Variants in CUL2 observed in about 807,000 individuals in gnomAD.
The protein encoded by CUL2 is cullin 2, also known as cullin-2.
A neutral mutation model predicts 110.2 loss-of-function variants in CUL2; 22 were observed. The observed-to-expected ratio is 0.20, with a 90% CI of 0.14 to 0.28. CUL2 has a LOEUF of 0.28. Among genes scored for constraint, CUL2 ranks in the 10% least tolerant of loss-of-function variants. The pLI is 1.00. For synonymous variants in CUL2, 279 were observed against 293.2 expected, an observed-to-expected ratio of 0.95 and a Z score of 0.49; for missense variants, 631 against 905.5, an observed-to-expected ratio of 0.70 and a Z score of 3.89.
chr10:35,035,270 G>A lies in CUL2; in HGVS notation c.904C>T (p.Arg302Cys), dbSNP rs541202446. ...TGAGGTAAACCAGTGGACACAGCAC[G>A]GAGTAAGACGTACATATTTGCCATG... Reference protein sequence around the residue: ...NDMANMYVLLRAVSTGLPHMI... With the variant: ...NDMANMYVLLCAVSTGLPHMI... The change falls in exon 10 of 21, where the codon CGT becomes TGT. Residue 302 changes from arginine to cysteine, a missense_variant. Arg to Cys is a radical substitution (Grantham distance 180, BLOSUM62 -3). Around this residue, in one of 3 missense-constraint regions of CUL2, gnomAD observed 338 missense variants for 442.5 expected, o/e 0.76. Coordinates refer to ENST00000374749, the MANE Select transcript of CUL2 (RefSeq NM_003591.4). 1.2e-5 allele frequency: 20 copies of A among 1,614,056 alleles called. No homozygotes were observed. Among genetic ancestry groups the A allele is most frequent in the African/African-American group, 1.3e-5 (1 of 75,028 alleles).
At chr10:35,095,631 T>G (rs1388029435), upstream of CUL2, among the ~76,000 whole-genome samples, 1 of 152,172 alleles carries the variant, frequency 6.6e-6, no homozygotes, top group Non-Finnish European at 1.5e-5. Flanking sequence ...TGATCTCTGC[T>G]CACTGCAACC....
At chr10:35,110,815 C>T (rs988053292) in intron 1 of CUL2, among the ~76,000 whole-genome samples, 1 of 152,130 alleles carries the variant, frequency 6.6e-6, no homozygotes, top group African/African-American at 2.4e-5. Flanking sequence ...AAGGTCCTAT[C>T]CCGATGGCCT....
At chr10:35,100,194 T>G (rs1347327293) in intron 2 of CUL2, among the ~76,000 whole-genome samples, 1 of 152,108 alleles carries the variant, frequency 6.6e-6, no homozygotes, top group African/African-American at 2.4e-5. Context: ...AGCAACATCT[T>G]GCTTCCAAAA....
At chr10:35,120,108 T>G (rs150956584) in intron 1 of CUL2, 2 of 152,350 alleles carry the variant, frequency 1.3e-5, no homozygotes, top group East Asian at 3.9e-4. Flanking sequence ...GTATTCAGAT[T>G]TATTTTATCA....
chr10:35,088,499 CAAAAAAAAA>C (rs9299718), intron 1 of CUL2, among the ~76,000 whole-genome samples: 4 of 88,574 alleles, frequency 4.5e-5, no homozygotes, highest in African/African-American at 1.0e-4. Context: ...GACTCCGCCT[CAAAAAAAAA>C]AAAAAAAAAA....
intron 1 of CUL2, among the ~76,000 whole-genome samples, chr10:35,125,303 T>C (rs1378197440): frequency 6.6e-6 from 1 of 152,202 alleles, no homozygotes; most frequent in Non-Finnish European, 1.5e-5. Flanking sequence ...AAAAATATGG[T>C]TTGTGCTTTC....
At chr10:35,117,592 T>C (rs1044672338) in intron 1 of CUL2, among the ~76,000 whole-genome samples, 23 of 152,082 alleles carry the variant, frequency 1.5e-4, no homozygotes, top group African/African-American at 5.3e-4. Context: ...ACAAGTATTG[T>C]ATGTTTACAG....
At chr10:35,059,887 C>T (rs899701946) in intron 4 of CUL2, among the ~76,000 whole-genome samples, 8 of 152,192 alleles carry the variant, frequency 5.3e-5, no homozygotes, top group African/African-American at 1.9e-4. Flanking sequence ...TAACTCATAT[C>T]ATTTTACACA....
At chr10:35,071,614 T>C (rs551956365) in intron 1 of CUL2, among the ~76,000 whole-genome samples, 22 of 152,338 alleles carry the variant, frequency 1.4e-4, no homozygotes, top group African/African-American at 5.3e-4. Context: ...TTCACTGTGT[T>C]AGCCAGGATG....
chr10:35,018,935 ATTCATAG>A (rs2085116944), intron 17 of CUL2, among the ~76,000 whole-genome samples: 1 of 152,150 alleles, frequency 6.6e-6, no homozygotes, highest in Admixed American at 6.6e-5. Flanking sequence ...AAGAGAAAAA[ATTCATAG>A]CCCTCTAAAT....
chr10:35,095,069 A>C (rs1452336861), upstream of CUL2, among the ~76,000 whole-genome samples: 1 of 152,136 alleles, frequency 6.6e-6, no homozygotes, highest in Non-Finnish European at 1.5e-5. Flanking sequence ...TAATCCCAGC[A>C]CTTTGGGAGG....
At chr10:35,116,734 ATGC>A (rs1311927714) in intron 1 of CUL2, among the ~76,000 whole-genome samples, 3 of 152,230 alleles carry the variant, frequency 2.0e-5, no homozygotes, top group Non-Finnish European at 4.4e-5. Flanking sequence ...TGGGAGGCCA[ATGC>A]AGGCAGATCA....
chr10:35,019,696 C>T (rs903719938), intron 17 of CUL2, among the ~76,000 whole-genome samples: 6 of 152,140 alleles, frequency 3.9e-5, no homozygotes, highest in African/African-American at 1.4e-4. Flanking sequence ...AAATAAAGAG[C>T]GGGCAGAACT....
chr10:35,014,879 C>T (rs1317394091), intron 18 of CUL2, among the ~76,000 whole-genome samples: 1 of 152,056 alleles, frequency 6.6e-6, no homozygotes, highest in Non-Finnish European at 1.5e-5. Flanking sequence ...AACAAGGAAT[C>T]TATGTTTACT....
upstream of CUL2, among the ~76,000 whole-genome samples, chr10:35,094,929 C>T: frequency 6.6e-6 from 1 of 152,166 alleles, no homozygotes; most frequent in East Asian, 1.9e-4. Flanking sequence ...TGATTGCTTT[C>T]CTTGTTTTAC....
chr10:35,079,031 T>C (rs1041305264), intron 1 of CUL2, among the ~76,000 whole-genome samples: 24 of 152,110 alleles, frequency 1.6e-4, no homozygotes, highest in African/African-American at 5.8e-4. Flanking sequence ...CTTACAGCAG[T>C]CCCCTGCCTT....
At chr10:35,016,481 G>A in intron 17 of CUL2, 87 bp from the exon 18 acceptor site, 1 of 999,190 alleles carries the variant, frequency 1.0e-6, no homozygotes, top group Non-Finnish European at 1.5e-6. Flanking sequence ...TCTTCGGAAA[G>A]AGTGAACCAA....
At chr10:35,080,702 G>A (rs1414047279) in intron 1 of CUL2, among the ~76,000 whole-genome samples, 2 of 152,078 alleles carry the variant, frequency 1.3e-5, no homozygotes, top group Non-Finnish European at 2.9e-5. Flanking sequence ...GCTTCCACCA[G>A]CCTTGGCCTC....
At chr10:35,010,561 T>G in intron 20 of CUL2, 119 bp from the exon 21 acceptor site, 1 of 886,542 alleles carries the variant, frequency 1.1e-6, no homozygotes, top group Non-Finnish European at 1.6e-6. Context: ...TGGGCCAAAT[T>G]AAGTATGAAA....
Sources: allele counts gnomAD v4.1 joint callset (sites outside exome capture counted in the v4.1 genomes callset), GRCh38; gene constraint gnomAD v4.1.1; regional missense constraint gnomAD v4.1.1; transcripts MANE v1.5; gene names NCBI Gene and HGNC (gene_info 2026-07-23, HGNC 2026-07-21).